Variants in CDC27 observed in about 807,000 individuals in gnomAD.
The protein encoded by CDC27 is cell division cycle protein 27 homolog.
CDC27 carries 27 observed loss-of-function variants against 109.7 expected under a neutral mutation model. The observed-to-expected ratio is 0.25, with a 90% CI of 0.18 to 0.34. The LOEUF is 0.34. Ranked by LOEUF, CDC27 falls within the 10% of genes least tolerant of loss-of-function variation. The probability of loss-of-function intolerance (pLI) is 1.00; values close to 1 mark genes in which losing one functional copy is unlikely to be tolerated. For synonymous variants in CDC27, 266 were observed against 333.9 expected, an observed-to-expected ratio of 0.80 and a Z score of 2.22; for missense variants, 579 against 960.2, an observed-to-expected ratio of 0.60 and a Z score of 5.25.
chr17:47,118,789 G>T lies in CDC27; in HGVS notation c.*2146C>A, dbSNP rs2061927217. 1 of 152,412 alleles carries T rather than the reference G, an allele frequency of 6.6e-6. No individual in the cohort carries two copies. Among genetic ancestry groups the T allele is most frequent in the East Asian group, 1.9e-4 (1 of 5,198 alleles). The allele number at this position is 152,412 out of a possible 1,614,324, so 9.4% of individuals were successfully genotyped here. A position where few individuals can be genotyped will look rare whatever the true frequency, so the allele number is the denominator to read the frequency against. ...GAAAGTGTTACTACGTGGGAAATAA[G>T]GCTTCAAATACCTAAATGACTTTGA... is the stretch of plus-strand genomic sequence containing the variant. On this transcript the variant is annotated 3_prime_UTR_variant, in exon 19 of 19. Transcript: ENST00000066544.
intron 2 of CDC27, among the ~76,000 whole-genome samples, chr17:47,175,331 A>G (rs150250105): frequency 1.8e-4 from 28 of 152,280 alleles, no homozygotes; most frequent in African/African-American, 6.5e-4. Context: ...TCTAAAATGG[A>G]CCAATTTTGA....
At chr17:47,151,969 A>G (rs1477177723) in intron 8 of CDC27, 51 bp from the exon 9 acceptor site, 2 of 1,520,496 alleles carry the variant, frequency 1.3e-6, no homozygotes, top group East Asian at 2.4e-5. Context: ...TGCACTGTAA[A>G]TGATAAAAGA....
intron 9 of CDC27, among the ~76,000 whole-genome samples, chr17:47,145,311 T>TG (rs1199363311): frequency 1.3e-5 from 2 of 152,194 alleles, no homozygotes; most frequent in Non-Finnish European, 2.9e-5. Flanking sequence ...GCAGCCAGAA[T>TG]TTGCAAGGCA....
At chr17:47,164,711 G>T (rs116653366) in intron 4 of CDC27, among the ~76,000 whole-genome samples, 1 of 152,056 alleles carries the variant, frequency 6.6e-6, no homozygotes. Flanking sequence ...CAGCTACTCC[G>T]GAGGCTGAGG....
Position 47,157,221 on chromosome 17 carries a change from G to T in CDC27, c.630+9C>A. 1 of 1,604,904 alleles carries T rather than the reference G, an allele frequency of 6.2e-7. No individual in the cohort carries two copies. Among genetic ancestry groups the T allele is most frequent in the South Asian group, 1.1e-5 (1 of 89,638 alleles). On this transcript the variant is annotated intron_variant, in intron 6 of 18. Transcript: ENST00000066544. ...TAATATTTTGAACACTAGAATATAA[G>T]ACACTTACAATTGTGTCCTGGGGTG...
chr17:47,147,400 AAAACAAACAAAC>A (rs532383207), intron 9 of CDC27, among the ~76,000 whole-genome samples: 2 of 142,958 alleles, frequency 1.4e-5, no homozygotes, highest in East Asian at 4.0e-4. Flanking sequence ...CTCCGTCTCA[AAAACAAACAAAC>A]AAACAAACAA....
intron 14 of CDC27, among the ~76,000 whole-genome samples, chr17:47,135,708 C>A (rs1395382878): frequency 1.3e-5 from 2 of 152,020 alleles, no homozygotes; most frequent in Non-Finnish European, 2.9e-5. Context: ...CTCCTTTAAA[C>A]ACAATTTTTG....
chr17:47,142,616 T>C (rs2062830030), intron 10 of CDC27, among the ~76,000 whole-genome samples, 180 bp from the exon 11 acceptor site: 1 of 152,208 alleles, frequency 6.6e-6, no homozygotes, highest in Non-Finnish European at 1.5e-5. Flanking sequence ...ACACAGTAAT[T>C]CTGAACATAA....
At position 47,157,321 on chromosome 17, in the gene CDC27, A is replaced by C; in HGVS notation, c.539T>G (p.Leu180Arg). The C allele has an allele frequency of 6.2e-7, 1 of 1,612,988 alleles. No homozygotes were observed. The highest frequency in any genetic ancestry group is 8.5e-7 in the Non-Finnish European group (1 of 1,179,098). ...TACTTGTGTTGTGCAAGAGTTGGGCAGACAGTTGCTAAAGTTCTGTAAAGA... is the reference window on the plus strand; with the variant it reads ...TACTTGTGTTGTGCAAGAGTTGGGCCGACAGTTGCTAAAGTTCTGTAAAGA... ...FTSLQNFSNC[L>R]PNSCTTQVPN... The change falls in exon 6 of 19, where the codon CTG becomes CGG. Residue 180 changes from leucine to arginine, a missense_variant. Transcript: ENST00000066544.
rs745939435 is a variant in CDC27, at chr17:47,122,436, A to G, written c.2392+8T>C. The G allele has an allele frequency of 2.5e-6, 4 of 1,572,206 alleles. No homozygotes were observed. The highest frequency in any genetic ancestry group is 1.7e-6 in the Non-Finnish European group (2 of 1,156,422). ...CTAAATACTCAAAATCATATGTATGATACTTACTGATCTGTTCTTCTTGGG... is the reference window on the plus strand; with the variant it reads ...CTAAATACTCAAAATCATATGTATGGTACTTACTGATCTGTTCTTCTTGGG... On this transcript the variant is annotated splice_region_variant and intron_variant, in intron 18 of 18. Transcript: ENST00000066544.
Position 47,163,216 on chromosome 17 carries a change from G to C in CDC27, c.378-4913C>G, listed in dbSNP as rs1044835354. Among the ~76,000 whole-genome samples, 4 of 130,342 alleles carry C rather than the reference G, an allele frequency of 3.1e-5. No homozygotes were observed. The Admixed American group carries it at 3.3e-4, about 11-fold the overall frequency. 85.5% of individuals were successfully genotyped at this position (130,342 alleles called of 152,430 possible). On this transcript the variant is annotated intron_variant, in intron 4 of 18. Transcript: ENST00000066544. ...CATAGAAGTCTCATGTGCTGTAATAGACAAAAAGACAAAAAAAAGTCTATA... is the reference window on the plus strand; with the variant it reads ...CATAGAAGTCTCATGTGCTGTAATACACAAAAAGACAAAAAAAAGTCTATA...
intron 4 of CDC27, chr17:47,161,047 TC>T (rs2063482470): frequency 1.3e-5 from 2 of 151,458 alleles, no homozygotes; most frequent in South Asian, 4.2e-4. Context: ...ATCATTTAGA[TC>T]AAAAATTTCT....
At chr17:47,150,247 A>C (rs2063114392) in intron 9 of CDC27, among the ~76,000 whole-genome samples, 1 of 152,224 alleles carries the variant, frequency 6.6e-6, no homozygotes, top group Non-Finnish European at 1.5e-5. Context: ...ATTGCTAATA[A>C]GGCAATATTG....
intron 8 of CDC27, among the ~76,000 whole-genome samples, chr17:47,152,397 A>T (rs2063178339): frequency 6.6e-6 from 1 of 152,174 alleles, no homozygotes; most frequent in African/African-American, 2.4e-5. Flanking sequence ...AGTAGATTTT[A>T]AAAAAACAAC....
chr17:47,137,024 G>T, intron 14 of CDC27, 128 bp downstream of exon 14: 1 of 444,896 alleles, frequency 2.2e-6, no homozygotes, highest in Non-Finnish European at 3.9e-6. Flanking sequence ...AGAAGTTATT[G>T]ACCAGTATGT....
rs148510863 is a variant in CDC27 at position 47,171,961 on chromosome 17, C to T, written c.207G>A (p.Pro69=). The T allele has an allele frequency of 6.5e-5, 104 of 1,598,980 alleles. No homozygotes were observed. The highest frequency in any genetic ancestry group is 8.3e-5 in the Non-Finnish European group (97 of 1,173,384). The part of the protein sequence containing the change: ...RLLKGHSCTT[P]QCKYLLAKCC... ...ATTTTGCAAGCAGGTATTTGCATTG[C>T]GGTGTAGTACAACTGTGTCCTTTCA... is the stretch of plus-strand genomic sequence containing the variant. The change falls in exon 3 of 19, where the codon CCG becomes CCA. Residue 69 remains proline, a synonymous_variant. Coordinates refer to ENST00000066544, the MANE Select transcript of CDC27 (RefSeq NM_001256.6).
In CDC27 at chr17:47,138,814, A is replaced by C. The variant is rs201928826; in HGVS notation, c.1629T>G (p.Leu543=). The C allele has an allele frequency of 7.5e-6, 12 of 1,608,006 alleles. No homozygotes were observed. In the Admixed American group the frequency reaches 1.8e-4, roughly 25 times the overall value. The change falls in exon 13 of 19, where the codon CTT becomes CTG. Residue 543 remains leucine (L), a synonymous_variant. Coordinates refer to ENST00000066544, the MANE Select transcript of CDC27 (RefSeq NM_001256.6). ...GAGCAACATCTTTTTGAAGATGCCA[A>C]AGTGTTGTAGAGTAGATCTCCATGC... ...VEGMEIYSTT[L]WHLQKDVALS...
chr17:47,180,945 TAAAAAAAA>T (rs34061862), intron 2 of CDC27, among the ~76,000 whole-genome samples: 4 of 111,668 alleles, frequency 3.6e-5, no homozygotes, highest in Admixed American at 9.7e-5. Context: ...ACTCTTTTCT[TAAAAAAAA>T]AAAAAAAAAA....
intron 16 of CDC27, among the ~76,000 whole-genome samples, chr17:47,126,457 A>C (rs2062143488): frequency 6.6e-6 from 1 of 152,152 alleles, no homozygotes; most frequent in Non-Finnish European, 1.5e-5. Context: ...ATAACAACAA[A>C]AGAGGGAGTC....
Sources: allele counts gnomAD v4.1 joint callset (sites outside exome capture counted in the v4.1 genomes callset), GRCh38; gene constraint gnomAD v4.1.1; transcripts MANE v1.5; gene names NCBI Gene and HGNC (gene_info 2026-07-23, HGNC 2026-07-21).